PCDHA7: variants seen among roughly 807,000 people sequenced by gnomAD.
PCDHA7 encodes protocadherin alpha 7, also known as protocadherin alpha-7.
PCDHA7 carries 37 observed loss-of-function variants against 57.2 expected under a neutral mutation model. The ratio of observed to expected loss-of-function variants is 0.65; its 90% CI spans 0.50 to 0.85. The LOEUF (loss-of-function observed/expected upper bound fraction) is 0.85. PCDHA7 is among the 40% of genes least tolerant of loss of function. The probability of loss-of-function intolerance (pLI) is 0.00; values close to 1 mark genes in which losing one functional copy is unlikely to be tolerated. For missense variants in PCDHA7, 1,188 were observed against 1,241.8 expected (o/e 0.96, Z 0.65); for synonymous variants, 553 against 558.8 (o/e 0.99, Z 0.15).
chr5:140,953,270 T>A (rs1362290837), intron 1 of PCDHA7, among the ~76,000 whole-genome samples: 6 of 152,152 alleles, frequency 3.9e-5, no homozygotes, highest in Non-Finnish European at 5.9e-5. Flanking sequence ...GCTTTAGCCT[T>A]TGCTCTTTAT....
At chr5:140,975,594 A>G (rs914837592) in intron 1 of PCDHA7, among the ~76,000 whole-genome samples, 3 of 152,236 alleles carry the variant, frequency 2.0e-5, no homozygotes, top group Admixed American at 2.0e-4. Flanking sequence ...CCAGAGGGCA[A>G]TTTGTTGATG....
intron 1 of PCDHA7, among the ~76,000 whole-genome samples, chr5:140,871,786 T>G (rs2053308227): frequency 6.6e-6 from 1 of 152,224 alleles, no homozygotes; most frequent in African/African-American, 2.4e-5. Flanking sequence ...GTCACTTGAG[T>G]AGAAATAATT....
At chr5:140,876,204 G>A (rs1582266262) in intron 1 of PCDHA7, 1 of 1,613,934 alleles carries the variant, frequency 6.2e-7, no homozygotes, top group Non-Finnish European at 8.5e-7. Flanking sequence ...CGTTTGATAA[G>A]CCCAGCTATA....
intron 1 of PCDHA7, chr5:140,843,534 C>T: frequency 6.3e-7 from 1 of 1,596,028 alleles, no homozygotes; most frequent in Non-Finnish European, 8.6e-7. Flanking sequence ...GGCAAGCCCA[C>T]TCTGGTGTGC....
intron 1 of PCDHA7, among the ~76,000 whole-genome samples, chr5:140,947,506 A>C (rs1034178009): frequency 6.6e-6 from 1 of 151,700 alleles, no homozygotes; most frequent in Non-Finnish European, 1.5e-5. Flanking sequence ...TTAAATTTTC[A>C]TATAAATTTT....
At chr5:140,971,370 G>C (rs2096473492) in intron 1 of PCDHA7, among the ~76,000 whole-genome samples, 3 of 152,194 alleles carry the variant, frequency 2.0e-5, no homozygotes, top group African/African-American at 7.2e-5. Flanking sequence ...CCAGGAGAGT[G>C]CATGACTTTA....
chr5:140,928,903 T>C, intron 1 of PCDHA7: 1 of 1,614,190 alleles, frequency 6.2e-7, no homozygotes, highest in Non-Finnish European at 8.5e-7. Flanking sequence ...TGAAGATGTC[T>C]GGGAACCAGG....
chr5:140,838,331 C>G (rs1343104365), intron 1 of PCDHA7, among the ~76,000 whole-genome samples: 1 of 149,420 alleles, frequency 6.7e-6, no homozygotes, highest in Admixed American at 6.6e-5. Flanking sequence ...ACCATGTTGC[C>G]CCGGCTGGTC....
chr5:140,991,503 T>C (rs975448423), intron 3 of PCDHA7, among the ~76,000 whole-genome samples: 6 of 152,246 alleles, frequency 3.9e-5, no homozygotes, highest in Non-Finnish European at 7.3e-5. Context: ...TGAGTTTCAC[T>C]GGCTAAAATC....
chr5:140,927,015 G>A, intron 1 of PCDHA7: 1 of 1,612,466 alleles, frequency 6.2e-7, no homozygotes. Context: ...ATCTCTCCGC[G>A]GACTTGAGGC....
At chr5:140,947,610 C>T (rs989640335) in intron 1 of PCDHA7, among the ~76,000 whole-genome samples, 3 of 151,562 alleles carry the variant, frequency 2.0e-5, no homozygotes, top group South Asian at 2.1e-4. Flanking sequence ...GATTTGGTAT[C>T]TTAACAATAT....
chr5:141,003,684 A>C (rs1425078507), intron 3 of PCDHA7, among the ~76,000 whole-genome samples: 1 of 152,240 alleles, frequency 6.6e-6, no homozygotes, highest in Non-Finnish European at 1.5e-5. Flanking sequence ...TTCTGATTTT[A>C]AAATATATCC....
At chr5:140,896,430 T>C (rs543866183) in intron 1 of PCDHA7, among the ~76,000 whole-genome samples, 41 of 152,158 alleles carry the variant, frequency 2.7e-4, no homozygotes, top group Non-Finnish European at 4.4e-4. Context: ...CCATTCTGAC[T>C]GGTGTGACTG....
At chr5:140,855,376 A>T (rs1239693937) in intron 1 of PCDHA7, among the ~76,000 whole-genome samples, 1 of 150,012 alleles carries the variant, frequency 6.7e-6, no homozygotes, top group Non-Finnish European at 1.5e-5. Context: ...GATAATAGGA[A>T]TCTAAATGGA....
chr5:140,986,461 C>T (rs1554248079), intron 3 of PCDHA7, among the ~76,000 whole-genome samples: 1 of 152,154 alleles, frequency 6.6e-6, no homozygotes. Context: ...TTAATGAATG[C>T]CCTCTTGTGA....
chr5:140,978,794 T>A, intron 1 of PCDHA7, 155 bp from the exon 2 acceptor site: 1 of 978,746 alleles, frequency 1.0e-6, no homozygotes, highest in Non-Finnish European at 1.2e-6. Flanking sequence ...GTGCTATATA[T>A]GTAGATATCA....
chr5:140,959,055 C>A (rs2095463398), intron 1 of PCDHA7, among the ~76,000 whole-genome samples: 1 of 151,914 alleles, frequency 6.6e-6, no homozygotes, highest in African/African-American at 2.4e-5. Flanking sequence ...GGAAAAAATG[C>A]AGTATATATA....
At chr5:140,968,263 G>A (rs782272055) in intron 1 of PCDHA7, 20 of 1,613,978 alleles carry the variant, frequency 1.2e-5, no homozygotes, top group Middle Eastern at 3.3e-4. Flanking sequence ...CAGATGAAAA[G>A]GAGAATGCAG....
intron 3 of PCDHA7, among the ~76,000 whole-genome samples, chr5:141,000,385 C>CAA (rs1399640915): frequency 2.3e-4 from 15 of 64,992 alleles, no homozygotes; most frequent in African/African-American, 9.7e-4. Context: ...CTCTCTCTCT[C>CAA]TCTCTCTCTC....
Sources: gnomAD v4.1 joint callset for allele counts (sites outside exome capture counted in the v4.1 genomes callset) on GRCh38, gnomAD v4.1.1 for gene constraint, MANE v1.5 for transcripts, NCBI Gene and HGNC (gene_info 2026-07-23, HGNC 2026-07-21) for gene names.